CRIPTO3: variants seen among roughly 807,000 people sequenced by gnomAD.
CRIPTO3 encodes cripto, EGF-CFC family member 3, also known as protein CRIPTO3.
At chrX:110,521,192 A>G in the CRIPTO3 span, 36 of 1,120,179 alleles carry the variant, frequency 3.2e-5, no homozygotes, top group Non-Finnish European at 4.4e-5. Context: ...CCATTTCTAA[A>G]GCCTTTGAAC....
At chrX:110,522,317 T>C in the CRIPTO3 span, 1 of 116,921 alleles carries the variant, frequency 8.6e-6, no homozygotes, top group Non-Finnish European at 1.8e-5. Context: ...TTTTAAATGA[T>C]TGAATTACAT....
chrX:110,521,407 C>A, the CRIPTO3 span: 1 of 1,211,585 alleles, frequency 8.3e-7, no homozygotes, highest in African/African-American at 1.7e-5. Context: ...ATGCTGGAGT[C>A]CTTTTGTGCC....
the CRIPTO3 span, chrX:110,522,102 T>A: frequency 3.0e-6 from 1 of 331,421 alleles, no homozygotes; most frequent in East Asian, 4.8e-5. Flanking sequence ...ATTACAGGCA[T>A]GTGTCACCAT....
At chrX:110,521,895 C>A in the CRIPTO3 span, 4 of 448,193 alleles carry the variant, frequency 8.9e-6, no homozygotes, top group Non-Finnish European at 1.2e-5. Context: ...TGCCCTCTCC[C>A]AAAAAACTAC....
the CRIPTO3 span, chrX:110,521,161 A>G: frequency 8.9e-7 from 1 of 1,121,178 alleles, no homozygotes; most frequent in East Asian, 3.0e-5. Flanking sequence ...CGCTTCTCTT[A>G]CAGTGTGATT....
chrX:110,522,944 A>G, the CRIPTO3 span: 1 of 108,478 alleles, frequency 9.2e-6, no homozygotes, highest in Admixed American at 9.8e-5. Context: ...CTAGCAGGCA[A>G]GGAACATGCT....
At chrX:110,521,102 C>A in the CRIPTO3 span, 1 of 1,134,446 alleles carries the variant, frequency 8.8e-7, no homozygotes, top group Non-Finnish European at 1.2e-6. Context: ...GATGCTAACG[C>A]CTCTTTTCCC....
chrX:110,521,419 G>A, the CRIPTO3 span: 1 of 1,211,519 alleles, frequency 8.3e-7, no homozygotes, highest in Non-Finnish European at 1.1e-6. Context: ...TTTTGTGCCT[G>A]CCCTCCCTCC....
At chrX:110,521,338 T>C in the CRIPTO3 span, 2 of 1,209,080 alleles carry the variant, frequency 1.7e-6, no homozygotes, top group Non-Finnish European at 2.2e-6. Flanking sequence ...GTGCTGCCCA[T>C]GGGAATACAG....
At chrX:110,521,579 T>C in the CRIPTO3 span, 1 of 1,212,263 alleles carries the variant, frequency 8.2e-7, no homozygotes, top group South Asian at 1.8e-5. Flanking sequence ...CCGGCTGTGA[T>C]GGCCTTGTGA....
the CRIPTO3 span, chrX:110,521,745 T>C: frequency 9.7e-7 from 1 of 1,031,051 alleles, no homozygotes; most frequent in Non-Finnish European, 1.4e-6. Context: ...TTATGCAAAT[T>C]TCATGACCCG....
At chrX:110,522,166 G>C in the CRIPTO3 span, 1 of 242,567 alleles carries the variant, frequency 4.1e-6, no homozygotes, top group East Asian at 7.4e-5. Flanking sequence ...CACCATATTG[G>C]CCAGCCTGGT....
At chrX:110,522,114 C>A in the CRIPTO3 span, 1 of 316,728 alleles carries the variant, frequency 3.2e-6, no homozygotes, top group Admixed American at 5.7e-5. Context: ...TGTCACCATG[C>A]CCGGCTAATT....
At chrX:110,521,264 C>T in the CRIPTO3 span, 1 of 1,185,678 alleles carries the variant, frequency 8.4e-7, no homozygotes, top group Non-Finnish European at 1.1e-6. Flanking sequence ...GAGACCTGGC[C>T]TTCAGAGATG....
the CRIPTO3 span, chrX:110,522,941 G>T: frequency 1.9e-5 from 2 of 105,768 alleles, no homozygotes; most frequent in African/African-American, 6.9e-5. Context: ...CACCTAGCAG[G>T]CAAGGAACAT....
chrX:110,522,641 A>T, the CRIPTO3 span: 16 of 111,594 alleles, frequency 1.4e-4, no homozygotes, highest in African/African-American at 5.2e-4. Flanking sequence ...GCTATGTAAG[A>T]CAAGGACTCC....
chrX:110,521,461 G>T, the CRIPTO3 span: 27 of 1,211,216 alleles, frequency 2.2e-5, no homozygotes, highest in Non-Finnish European at 3.0e-5. Context: ...CACGATGTGC[G>T]CAAAGAGAAC....
chrX:110,522,705 T>A, the CRIPTO3 span: 1 of 110,904 alleles, frequency 9.0e-6, no homozygotes, highest in Non-Finnish European at 1.9e-5. Flanking sequence ...AGAAAAAAAA[T>A]TATACCTCAA....
chrX:110,522,105 G>T, the CRIPTO3 span: 1 of 327,235 alleles, frequency 3.1e-6, no homozygotes, highest in Admixed American at 5.6e-5. Context: ...ACAGGCATGT[G>T]TCACCATGCC....
Sources: allele counts gnomAD v4.1 joint callset, GRCh38; gene constraint gnomAD v4.1.1; transcripts MANE v1.5; gene names NCBI Gene and HGNC (gene_info 2026-07-23, HGNC 2026-07-21).